ZNF664: variants seen among roughly 807,000 people sequenced by gnomAD.
ZNF664 encodes the protein zinc finger Organ of Corti 1.
ZNF664 carries 10 observed loss-of-function variants against 18.2 expected under a neutral mutation model. That is an observed-to-expected ratio of 0.55 (90% confidence interval 0.34 to 0.93). The LOEUF (loss-of-function observed/expected upper bound fraction) is 0.93. Ranked by LOEUF, ZNF664 falls within the 40% of genes least tolerant of loss-of-function variation. ZNF664 has a pLI of 0.02. For synonymous variants in ZNF664, 119 were observed against 104.2 expected, an observed-to-expected ratio of 1.14 and a Z score of -0.86; for missense variants, 193 against 319.0, an observed-to-expected ratio of 0.61 and a Z score of 3.01.
At chr12:123,978,057 C>G (rs1181471727) in intron 2 of ZNF664, among the ~76,000 whole-genome samples, 1 of 151,804 alleles carries the variant, frequency 6.6e-6, no homozygotes, top group East Asian at 1.9e-4. Context: ...CAGGCACCTA[C>G]AGGGCACTCA....
intron 3 of ZNF664, chr12:123,989,265 C>G (rs892259713): frequency 1.3e-5 from 2 of 152,454 alleles, no homozygotes; most frequent in African/African-American, 4.8e-5. Context: ...TTGACCACCT[C>G]TCTTCCTTTT....
rs543666913 is a variant in ZNF664 at position 123,990,557 on chromosome 12, C to T, written c.-661+2419C>T. On this transcript the variant is annotated intron_variant, in intron 3 of 4. Coordinates refer to ENST00000337815, the MANE Select transcript of ZNF664 (RefSeq NM_152437.3). ...GGTCTGTTCTTCTTTTCTTCTGGGC[C>T]TGAGCATGAATTTTGTCTCTTTAGG... Among the ~76,000 whole-genome samples the T allele has an allele frequency of 4.6e-5, 7 of 152,224 alleles. No individual in the cohort carries two copies. In the East Asian group the frequency reaches 1.4e-3, roughly 29 times the overall value.
chr12:124,012,427 G>T lies in ZNF664; in HGVS notation c.283G>T (p.Ala95Ser). The T allele has an allele frequency of 6.2e-7, 1 of 1,614,206 alleles. No homozygotes were observed. The highest frequency in any genetic ancestry group is 8.5e-7 in the Non-Finnish European group (1 of 1,180,046). Residue 95 changes from alanine to serine, a missense_variant, in exon 5 of 5, where the codon GCC becomes TCC. Around this residue, in one of 3 missense-constraint regions of ZNF664, gnomAD observed 90 missense variants for 118.9 expected, o/e 0.76. Coordinates refer to ENST00000337815, the MANE Select transcript of ZNF664 (RefSeq NM_152437.3). ...CTATAAATGTTACGAGTGTGGCAAAGCCTTCAATTGGAGCTCCCATCTTCA... is the reference window on the plus strand; with the variant it reads ...CTATAAATGTTACGAGTGTGGCAAATCCTTCAATTGGAGCTCCCATCTTCA... ...KPYKCYECGK[A>S]FNWSSHLQIH...
chr12:124,013,082 C>T lies in ZNF664; in HGVS notation c.*152C>T. 4 of 1,088,108 alleles carry T rather than the reference C, an allele frequency of 3.7e-6. No individual in the cohort carries two copies. The highest frequency in any genetic ancestry group is 5.2e-6 in the Non-Finnish European group (4 of 771,724). The allele number at this position is 1,088,108 out of a possible 1,614,324, so 67.4% of individuals were successfully genotyped here. A position where few individuals can be genotyped will look rare whatever the true frequency, so the allele number is the denominator to read the frequency against. ...CATATGTGAGATTGATTTGTTGGTT[C>T]ATGCCAAGTGTGTTCCACAGGTTGA... is the stretch of plus-strand genomic sequence containing the variant. On this transcript the variant is annotated 3_prime_UTR_variant, in exon 5 of 5. Transcript: ENST00000337815.
rs187969842 is a variant in ZNF664 at position 123,994,102 on chromosome 12, A to T, written c.-661+5964A>T. ...GCACGAAACTTCAGAATTATTTTGG[A>T]GGACTTTGGGGGGCGTTTTTCTTAT... On this transcript the variant is annotated intron_variant, in intron 3 of 4. Coordinates refer to ENST00000337815, the MANE Select transcript of ZNF664 (RefSeq NM_152437.3). Among the ~76,000 whole-genome samples the T allele has an allele frequency of 2.4e-3, 371 of 152,230 alleles. 1 individual carries two copies. Among genetic ancestry groups the T allele is most frequent in the Non-Finnish European group, 2.8e-3 (190 of 67,994 alleles).
chr12:123,985,823 T>G (rs908057779), intron 2 of ZNF664, among the ~76,000 whole-genome samples: 2 of 152,254 alleles, frequency 1.3e-5, no homozygotes, highest in African/African-American at 4.8e-5. Flanking sequence ...TTTGGAGGCC[T>G]TTACTATGTC....
rs570184970 is a variant in ZNF664, at chr12:123,996,973, A to G, written c.-661+8835A>G. Among the ~76,000 whole-genome samples the G allele has an allele frequency of 4.6e-5, 7 of 152,360 alleles. No homozygotes were observed. The South Asian group carries it at 1.4e-3, about 32-fold the overall frequency. On this transcript the variant is annotated intron_variant, in intron 3 of 4. Transcript: ENST00000337815. ...TATGTGTCGTTGACTTTTTGGTGTC[A>G]GAGGTGAAGACTGTAGATACTGTTT...
rs1407906931 is a variant in ZNF664, at chr12:124,012,284, A to G, written c.140A>G (p.His47Arg). The G allele has an allele frequency of 6.2e-7, 1 of 1,614,116 alleles. No homozygotes were observed. The highest frequency in any genetic ancestry group is 8.5e-7 in the Non-Finnish European group (1 of 1,180,050). Residue 47 changes from histidine (H) to arginine (R), a missense_variant, in exon 5 of 5, where the codon CAT becomes CGT. By Grantham distance (29) the His-to-Arg change is conservative. Transcript: ENST00000337815. ...GGTTTCTTTCATATATCAGAACTTCATATTCATTGGAGAGACCATACAGGA... is the reference window on the plus strand; with the variant it reads ...GGTTTCTTTCATATATCAGAACTTCGTATTCATTGGAGAGACCATACAGGA... ...DKGFFHISEL[H>R]IHWRDHTGEK... is the part of the protein sequence containing the mutation.
intron 3 of ZNF664, among the ~76,000 whole-genome samples, chr12:123,990,532 G>A (rs1402531394): frequency 6.6e-6 from 1 of 152,078 alleles, no homozygotes. Context: ...TGAGCTTTCC[G>A]GTCTGTTCTT....
chr12:123,984,271 C>T (rs532917002), intron 2 of ZNF664, among the ~76,000 whole-genome samples: 1 of 151,994 alleles, frequency 6.6e-6, no homozygotes, highest in Non-Finnish European at 1.5e-5. Context: ...CGTAGGGTCA[C>T]AGAAGGAGCC....
intron 2 of ZNF664, among the ~76,000 whole-genome samples, chr12:123,982,527 A>G (rs1038423148): frequency 5.3e-5 from 8 of 152,160 alleles, no homozygotes; most frequent in Admixed American, 1.3e-4. Context: ...CTGAAACTCT[A>G]ACTTCTGCCA....
chr12:123,980,649 G>A lies in ZNF664; in HGVS notation c.-757+6629G>A, dbSNP rs79798640. Among the ~76,000 whole-genome samples, 8 of 152,246 alleles carry A rather than the reference G, an allele frequency of 5.3e-5. No homozygotes were observed. In the East Asian group the frequency reaches 1.3e-3, roughly 26 times the overall value. ...ATTAAAATGCTTATGATAGTGTTAA[G>A]TGGAAGGAAATCAGGATACACAATT... On this transcript the variant is annotated intron_variant, in intron 2 of 4. Coordinates refer to ENST00000337815, the MANE Select transcript of ZNF664 (RefSeq NM_152437.3).
intron 3 of ZNF664, 146 bp from the exon 4 acceptor site, chr12:124,011,235 C>CA (rs1957133133): frequency 2.1e-6 from 2 of 947,076 alleles, no homozygotes; most frequent in Non-Finnish European, 2.5e-6. Flanking sequence ...TTTTCATACT[C>CA]ACATGTAGGT....
chr12:123,992,717 G>A (rs1164390230), intron 3 of ZNF664, among the ~76,000 whole-genome samples: 3 of 152,188 alleles, frequency 2.0e-5, no homozygotes, highest in South Asian at 4.1e-4. Context: ...ACTTTTAGAG[G>A]TCATTCTACT....
chr12:124,009,056 A>G (rs551112669), intron 3 of ZNF664, among the ~76,000 whole-genome samples: 1 of 152,238 alleles, frequency 6.6e-6, no homozygotes, highest in Non-Finnish European at 1.5e-5. Context: ...GTCAAATTTT[A>G]TATTACAGAA....
chr12:124,005,483 ATGTGTGTGTGTGTGTGTG>A (rs202223166), intron 3 of ZNF664, among the ~76,000 whole-genome samples: 2 of 142,926 alleles, frequency 1.4e-5, no homozygotes, highest in African/African-American at 2.6e-5. Flanking sequence ...AATTTATAGA[ATGTGTGTGTGTGTGTGTG>A]TGTGTGTGTG....
chr12:123,998,506 G>C (rs1369553906), intron 3 of ZNF664: 2 of 152,544 alleles, frequency 1.3e-5, no homozygotes, highest in African/African-American at 4.8e-5. Context: ...CTGGGGCTTG[G>C]CATCTGATGA....
At chr12:123,986,880 C>T (rs1339224368) in intron 2 of ZNF664, among the ~76,000 whole-genome samples, 1 of 152,166 alleles carries the variant, frequency 6.6e-6, no homozygotes, top group Non-Finnish European at 1.5e-5. Flanking sequence ...TATTCCTGCC[C>T]TTTAAAATAT....
At position 124,012,312 on chromosome 12, in the gene ZNF664, G is replaced by C; in HGVS notation, c.168G>C (p.Glu56Asp). The stretch of plus-strand genomic sequence containing the variant: ...TTCATTGGAGAGACCATACAGGAGA[G>C]AAGGTCTATAAATGTGATGATTGTG... ...LHIHWRDHTG[E>D]KVYKCDDCGK... Residue 56 changes from glutamate to aspartate, a missense_variant, in exon 5 of 5, where the codon GAG becomes GAC. Physicochemically the swap from Glu to Asp is conservative, Grantham distance 45. This residue lies in a region of ZNF664 where 90 missense variants were observed against 118.9 expected (regional missense o/e 0.76). Coordinates refer to ENST00000337815, the MANE Select transcript of ZNF664 (RefSeq NM_152437.3). 6.2e-7 allele frequency: 1 copy of C among 1,614,216 alleles called. No individual in the cohort carries two copies. The highest frequency in any genetic ancestry group is 1.3e-5 in the African/African-American group (1 of 75,054).
Sources: allele counts gnomAD v4.1 joint callset (sites outside exome capture counted in the v4.1 genomes callset), GRCh38; gene constraint gnomAD v4.1.1; regional missense constraint gnomAD v4.1.1; transcripts MANE v1.5; gene names NCBI Gene and HGNC (gene_info 2026-07-23, HGNC 2026-07-21).